Variants in LMX1B observed in about 807,000 individuals in gnomAD.
The protein encoded by LMX1B is LIM homeobox transcription factor 1 beta, also known as LIM homeobox transcription factor 1-beta.
A neutral mutation model predicts 51.4 loss-of-function variants in LMX1B; 12 were observed. That is an observed-to-expected ratio of 0.23 (90% CI 0.15 to 0.38). LMX1B has a LOEUF of 0.38. LMX1B is among the 10% of genes least tolerant of loss of function. LMX1B has a pLI of 1.00. For synonymous variants in LMX1B, 237 were observed against 235.4 expected (o/e 1.01, Z -0.06); for missense variants, 445 against 571.1 (o/e 0.78, Z 2.25).
intron 2 of LMX1B, among the ~76,000 whole-genome samples, chr9:126,686,343 T>A (rs1218131144): frequency 4.0e-5 from 6 of 150,842 alleles, no homozygotes; most frequent in African/African-American, 1.5e-4. Flanking sequence ...CCTGAAAAAA[T>A]TGGCTTTCAG....
chr9:126,692,626 G>C (rs571103663), intron 3 of LMX1B, among the ~76,000 whole-genome samples: 152 of 152,386 alleles, frequency 1.0e-3, no homozygotes, highest in Non-Finnish European at 1.7e-3. Context: ...AGGTGAGTGT[G>C]CATCTTACGA....
chr9:126,641,829 C>G lies in LMX1B; in HGVS notation c.326+26260C>G, dbSNP rs1221041008. Among the ~76,000 whole-genome samples, 1 of 152,208 alleles carries G rather than the reference C, an allele frequency of 6.6e-6. No homozygotes were observed. The highest frequency in any genetic ancestry group is 1.5e-5 in the Non-Finnish European group (1 of 68,040). ...AGCACCCAGCCTCTTGCCACTCACG[C>G]GTGAGCAATTGTGGTCACAGCTGAT... On this transcript the variant is annotated intron_variant, in intron 2 of 7. Coordinates refer to ENST00000373474, the MANE Select transcript of LMX1B (RefSeq NM_001174147.2). The surrounding 1 kb of genome is among the most constrained non-coding windows in gnomAD (Gnocchi z 4.1).
intron 2 of LMX1B, among the ~76,000 whole-genome samples, chr9:126,687,625 C>T (rs1243740481): frequency 2.0e-5 from 3 of 152,146 alleles, no homozygotes; most frequent in African/African-American, 7.2e-5. Context: ...AGGTTGTGCC[C>T]GCCACACCTG....
chr9:126,694,739 G>A (rs115917201), intron 6 of LMX1B, among the ~76,000 whole-genome samples: 1 of 152,260 alleles, frequency 6.6e-6, no homozygotes, highest in South Asian at 2.1e-4. Context: ...CAGCCTTAGT[G>A]CCTGCTGCTT....
intron 2 of LMX1B, among the ~76,000 whole-genome samples, chr9:126,667,519 C>T (rs1300957543): frequency 6.6e-6 from 1 of 152,224 alleles, no homozygotes; most frequent in African/African-American, 2.4e-5. Flanking sequence ...GCCTTGGGGG[C>T]ATCCACAGAG....
intron 2 of LMX1B, among the ~76,000 whole-genome samples, chr9:126,635,226 C>T (rs955457942): frequency 1.3e-5 from 2 of 152,196 alleles, no homozygotes. Context: ...CCCAGCCCTC[C>T]CACTCCTCTT....
chr9:126,644,207 C>T (rs1390829160), intron 2 of LMX1B, among the ~76,000 whole-genome samples: 1 of 152,176 alleles, frequency 6.6e-6, no homozygotes, highest in Non-Finnish European at 1.5e-5. Flanking sequence ...AAGTCGTTTC[C>T]CAGGCTGGAG....
chr9:126,641,596 G>A lies in LMX1B; in HGVS notation c.326+26027G>A, dbSNP rs1835808806. Reference sequence around the variant, plus strand: ...ACCCAGCTGGGTTCCTCCCTGTCTTGCCACCTCCCGCTTCTGTTCAGCAGC... The same window carrying A: ...ACCCAGCTGGGTTCCTCCCTGTCTTACCACCTCCCGCTTCTGTTCAGCAGC... On this transcript the variant is annotated intron_variant, in intron 2 of 7. Coordinates refer to ENST00000373474, the MANE Select transcript of LMX1B (RefSeq NM_001174147.2). The surrounding 1 kb of genome is among the most constrained non-coding windows in gnomAD (Gnocchi z 4.1). Among the ~76,000 whole-genome samples the A allele has an allele frequency of 6.6e-6, 1 of 152,116 alleles. No homozygotes were observed. Among genetic ancestry groups the A allele is most frequent in the Admixed American group, 6.5e-5 (1 of 15,278 alleles).
chr9:126,666,759 C>T (rs150390845), intron 2 of LMX1B, among the ~76,000 whole-genome samples: 16 of 152,184 alleles, frequency 1.1e-4, no homozygotes, highest in Admixed American at 5.2e-4. Context: ...GATTTTCATT[C>T]TGAAAGAGAC....
In LMX1B at chr9:126,658,627, G is replaced by A. The variant is rs887943665; in HGVS notation, c.327-32209G>A. ...AAGGCAGGCGGCCGCACCCGGCAGC[G>A]TTATTACCTTGTCATAAATAGTTAG... On this transcript the variant is annotated intron_variant, in intron 2 of 7. Coordinates refer to ENST00000373474, the MANE Select transcript of LMX1B (RefSeq NM_001174147.2). This position sits in a 1 kb window ranked among gnomAD's most constrained non-coding sequence, Gnocchi z 4.0. 2.0e-4 allele frequency among the ~76,000 whole-genome samples: 30 copies of A among 152,328 alleles called. No homozygotes were observed. Among genetic ancestry groups the A allele is most frequent in the Admixed American group, 1.0e-3 (16 of 15,288 alleles).
chr9:126,674,522 A>C (rs1836519587), intron 2 of LMX1B, among the ~76,000 whole-genome samples: 1 of 152,102 alleles, frequency 6.6e-6, no homozygotes, highest in Non-Finnish European at 1.5e-5. Context: ...TGGTGTGGGG[A>C]GATCCCTGAC....
chr9:126,623,586 C>CCA (rs1330696011), intron 2 of LMX1B, among the ~76,000 whole-genome samples: 1 of 152,322 alleles, frequency 6.6e-6, no homozygotes, highest in East Asian at 1.9e-4. Context: ...ATTTCCCCCC[C>CCA]AGGCGGGTCC....
At chr9:126,670,097 GTTCCCAAGA>G (rs1836421308) in intron 2 of LMX1B, among the ~76,000 whole-genome samples, 1 of 152,190 alleles carries the variant, frequency 6.6e-6, no homozygotes, top group Non-Finnish European at 1.5e-5. Flanking sequence ...CCAAATCCCA[GTTCCCAAGA>G]GAGTCCCGGC....
rs1221734740 is a variant in LMX1B, at chr9:126,696,810, A to C, written c.*359A>C. ...TTTTTTAAATGTCCTCTCTGTGTCC[A>C]TGGCCCTCCATGCAAGCCCCAGGAC... On this transcript the variant is annotated 3_prime_UTR_variant, in exon 8 of 8. Coordinates refer to ENST00000373474, the MANE Select transcript of LMX1B (RefSeq NM_001174147.2). The C allele has an allele frequency of 8.7e-6, 3 of 346,324 alleles. No homozygotes were observed. Among genetic ancestry groups the C allele is most frequent in the Non-Finnish European group, 1.7e-5 (3 of 181,434 alleles). The allele number at this position is 346,324 out of a possible 1,614,324, so 21.5% of individuals were successfully genotyped here.
At position 126,620,650 on chromosome 9, in the gene LMX1B, G is replaced by T. The variant is rs185005052; in HGVS notation, c.326+5081G>T. On this transcript the variant is annotated intron_variant, in intron 2 of 7. Transcript: ENST00000373474. ...CTTTCTCCCTGGGGGCAGACGGAGG[G>T]TGGCCGGGTGTCCTGTGCTCTTTCT... Among the ~76,000 whole-genome samples, 62 of 152,170 alleles carry T rather than the reference G, an allele frequency of 4.1e-4. 1 individual carries two copies. In the East Asian group the frequency reaches 0.01, roughly 25 times the overall value.
At chr9:126,672,577 T>A (rs374280680) in intron 2 of LMX1B, among the ~76,000 whole-genome samples, 1 of 152,314 alleles carries the variant, frequency 6.6e-6, no homozygotes, top group South Asian at 2.1e-4. Context: ...GGACAGGCAC[T>A]GTGAGCCTGG....
At chr9:126,654,152 C>T (rs999731540) in intron 2 of LMX1B, among the ~76,000 whole-genome samples, 3 of 152,222 alleles carry the variant, frequency 2.0e-5, no homozygotes, top group Non-Finnish European at 4.4e-5. Flanking sequence ...GAGCCACTCC[C>T]GAGATGCCAC....
At chr9:126,633,469 G>T (rs1835664877) in intron 2 of LMX1B, among the ~76,000 whole-genome samples, 1 of 152,202 alleles carries the variant, frequency 6.6e-6, no homozygotes, top group Non-Finnish European at 1.5e-5. Flanking sequence ...GCCTGGCATG[G>T]GTGGGTGGGT....
chr9:126,622,055 C>T (rs552580774), intron 2 of LMX1B, among the ~76,000 whole-genome samples: 2 of 152,266 alleles, frequency 1.3e-5, no homozygotes, highest in South Asian at 2.1e-4. Flanking sequence ...GACTGGCAGC[C>T]GCTGGACCTG....
Sources: gnomAD v4.1 joint callset for allele counts (sites outside exome capture counted in the v4.1 genomes callset) on GRCh38, gnomAD v4.1.1 for gene constraint, Gnocchi (gnomAD v3.1) non-coding constraint, MANE v1.5 for transcripts, NCBI Gene and HGNC (gene_info 2026-07-23, HGNC 2026-07-21) for gene names.